SCUBE2: variants seen among roughly 807,000 people sequenced by gnomAD.
The protein encoded by SCUBE2 is signal peptide, CUB domain and EGF like domain containing 2.
SCUBE2 carries 114 observed loss-of-function variants against 125.9 expected under a neutral mutation model. The ratio of observed to expected loss-of-function variants is 0.91; its 90% confidence interval spans 0.78 to 1.06. The LOEUF is 1.06. Ranked by LOEUF, SCUBE2 falls within the 50% of genes least tolerant of loss-of-function variation. The pLI is 0.00. For synonymous variants in SCUBE2, 459 were observed against 492.9 expected (o/e 0.93, Z 0.91); for missense variants, 1,255 against 1,301.8 (o/e 0.96, Z 0.55).
At chr11:9,085,855 G>C (rs528120543) in intron 2 of SCUBE2, among the ~76,000 whole-genome samples, 1 of 148,336 alleles carries the variant, frequency 6.7e-6, no homozygotes, top group Non-Finnish European at 1.5e-5. Context: ...TTTTAAGACA[G>C]AGTGTCTTGC....
intron 10 of SCUBE2, among the ~76,000 whole-genome samples, chr11:9,054,408 T>C (rs1378716734): frequency 1.3e-5 from 2 of 152,050 alleles, no homozygotes; most frequent in Non-Finnish European, 2.9e-5. Flanking sequence ...ATTTTAAAAC[T>C]CTACCATCCT....
chr11:9,048,172 T>C (rs1857995222), intron 14 of SCUBE2, 74 bp from the exon 15 acceptor site: 1 of 1,451,232 alleles, frequency 6.9e-7, no homozygotes, highest in Non-Finnish European at 9.4e-7. Flanking sequence ...TAGAGCTCAG[T>C]AAACATTTCA....
At chr11:9,073,006 G>A (rs891184323) in intron 4 of SCUBE2, among the ~76,000 whole-genome samples, 1 of 152,178 alleles carries the variant, frequency 6.6e-6, no homozygotes, top group Non-Finnish European at 1.5e-5. Flanking sequence ...TTGTAACTGG[G>A]TGGGACCCAG....
intron 10 of SCUBE2, among the ~76,000 whole-genome samples, chr11:9,054,726 T>TATATATATATATATATA (rs1491239911): frequency 9.2e-4 from 26 of 28,386 alleles, no homozygotes; most frequent in African/African-American, 1.3e-3. Flanking sequence ...TATATATATA[T>TATATATATATATATATA]TTTTTTTTTT....
intron 16 of SCUBE2, among the ~76,000 whole-genome samples, chr11:9,045,360 T>C (rs1590048540): frequency 6.6e-6 from 1 of 152,100 alleles, no homozygotes; most frequent in Admixed American, 6.6e-5. Flanking sequence ...ACTTTCATAA[T>C]TGAAAACTAA....
intron 20 of SCUBE2, chr11:9,027,129 G>A: frequency 1.9e-6 from 1 of 539,132 alleles, no homozygotes. Context: ...ACGCCCCAGT[G>A]AGCACAGAGG....
intron 21 of SCUBE2, among the ~76,000 whole-genome samples, chr11:9,023,200 G>A (rs542436470): frequency 6.6e-6 from 1 of 152,228 alleles, no homozygotes; most frequent in East Asian, 1.9e-4. Context: ...TATCATGTGC[G>A]ACAAAGCCAA....
Position 9,089,701 on chromosome 11 carries a change from AC to A in SCUBE2, c.256+5del. The A allele has an allele frequency of 1.2e-6, 2 of 1,613,196 alleles. No homozygotes were observed. The highest frequency in any genetic ancestry group is 1.7e-6 in the Non-Finnish European group (2 of 1,179,512). ...AGTCCCCCCACATGGTCCCCAAGGC[AC>A]TTACCCTCACACTGCCTGCCTTCCC... On this transcript the variant is annotated splice_donor_5th_base_variant and intron_variant, in intron 2 of 22. Transcript: ENST00000649792.
intron 10 of SCUBE2, among the ~76,000 whole-genome samples, chr11:9,054,740 T>A (rs1361440352): frequency 3.9e-4 from 44 of 113,692 alleles, no homozygotes; most frequent in Middle Eastern, 4.1e-3. Flanking sequence ...TTTTTTTTTT[T>A]TTTTTTTTTT....
At chr11:9,076,217 G>A (rs572556912) in intron 3 of SCUBE2, among the ~76,000 whole-genome samples, 2 of 152,196 alleles carry the variant, frequency 1.3e-5, no homozygotes, top group African/African-American at 4.8e-5. Context: ...CCCTGCCAGG[G>A]GCAGGGAGGA....
chr11:9,057,974 C>G (rs762659722), intron 9 of SCUBE2, among the ~76,000 whole-genome samples: 4 of 152,206 alleles, frequency 2.6e-5, no homozygotes, highest in Non-Finnish European at 4.4e-5. Context: ...AGCTTTCCCC[C>G]ACCCAAAACA....
At chr11:9,072,975 T>G (rs1400986051) in intron 4 of SCUBE2, among the ~76,000 whole-genome samples, 1 of 152,112 alleles carries the variant, frequency 6.6e-6, no homozygotes, top group African/African-American at 2.4e-5. Flanking sequence ...TAAGAGGTGA[T>G]CTTAATCGCT....
rs1457351405 is a variant in SCUBE2 at position 9,081,658 on chromosome 11, AAAC to A, written c.257-2152_257-2150del. Among the ~76,000 whole-genome samples, 4 of 12,042 alleles carry A rather than the reference AAAC, an allele frequency of 3.3e-4. No individual in the cohort carries two copies. In the Admixed American group the frequency reaches 9.4e-3, roughly 28 times the overall value. The allele number at this position is 12,042 out of a possible 152,430, so 7.9% of individuals were successfully genotyped here. A position where few individuals can be genotyped will look rare whatever the true frequency, so the allele number is the denominator to read the frequency against. On this transcript the variant is annotated intron_variant, in intron 2 of 22. Transcript: ENST00000649792. ...AAGATAGCAAGATCCCACCTCAAAA[AAAC>A]AAACAAACAAACAAAAAAAAAAAAC...
chr11:9,053,789 C>T, intron 10 of SCUBE2, 30 bp from the exon 11 acceptor site: 1 of 1,601,556 alleles, frequency 6.2e-7, no homozygotes, highest in Non-Finnish European at 8.5e-7. Flanking sequence ...CCTGTCATAG[C>T]AGCCTGTCAC....
intron 2 of SCUBE2, among the ~76,000 whole-genome samples, chr11:9,088,467 C>T (rs1862314604): frequency 6.6e-6 from 1 of 152,240 alleles, no homozygotes; most frequent in Admixed American, 6.5e-5. Flanking sequence ...CGCCATTGCA[C>T]TCCAGCCTGG....
intron 16 of SCUBE2, among the ~76,000 whole-genome samples, chr11:9,039,987 C>T (rs546030218): frequency 2.0e-5 from 3 of 152,312 alleles, no homozygotes; most frequent in South Asian, 2.1e-4. Flanking sequence ...AAACGTGACG[C>T]GAGCCCATGC....
At position 9,054,739 on chromosome 11, in the gene SCUBE2, T is replaced by A. The variant is rs1287482519; in HGVS notation, c.1208-980A>T. ...TATATATATATATTTTTTTTTTTTT[T>A]TTTTTTTTTTTTTCAGGTGGAGTTT... is the stretch of plus-strand genomic sequence containing the variant. On this transcript the variant is annotated intron_variant, in intron 10 of 22. Transcript: ENST00000649792. Among the ~76,000 whole-genome samples, 110 of 99,070 alleles carry A rather than the reference T, an allele frequency of 1.1e-3. 1 individual carries two copies. The Middle Eastern group carries it at 0.02, about 18-fold the overall frequency. The allele number at this position is 99,070 out of a possible 152,430, so 65.0% of individuals were successfully genotyped here.
At chr11:9,055,659 T>G (rs2135515231) in intron 10 of SCUBE2, 134 bp downstream of exon 10, 1 of 699,598 alleles carries the variant, frequency 1.4e-6, no homozygotes, top group Admixed American at 2.0e-5. Flanking sequence ...GTTGATGGAC[T>G]CACCGCTATT....
At chr11:9,066,112 A>G (rs1293298405) in intron 6 of SCUBE2, 132 bp from the exon 7 acceptor site, 5 of 643,822 alleles carry the variant, frequency 7.8e-6, no homozygotes, top group Non-Finnish European at 1.4e-5. Context: ...CGCAATAAAA[A>G]TGTGTTGTAA....
Sources: allele counts gnomAD v4.1 joint callset (sites outside exome capture counted in the v4.1 genomes callset), GRCh38; gene constraint gnomAD v4.1.1; transcripts MANE v1.5; gene names NCBI Gene and HGNC (gene_info 2026-07-23, HGNC 2026-07-21).